Variants in VSTM5 observed in about 807,000 individuals in gnomAD.
VSTM5 encodes the protein V-set and transmembrane domain containing 5, also known as V-set and transmembrane domain-containing protein 5.
In VSTM5, 21 loss-of-function variants were observed where a neutral mutation model predicts 20.3. That is an observed-to-expected ratio of 1.03 (90% CI 0.73 to 1.49). VSTM5 has a LOEUF of 1.49. Ranked by LOEUF, VSTM5 falls within the 40% of genes most tolerant of loss-of-function variation. VSTM5 has a pLI of 0.00. For missense variants in VSTM5, 219 were observed against 250.0 expected (o/e 0.88, Z 0.84); for synonymous variants, 100 against 102.5 (o/e 0.98, Z 0.14).
At chr11:93,850,265 G>A (rs1003819255) in intron 1 of VSTM5, 147 bp downstream of exon 1, 3 of 577,990 alleles carry the variant, frequency 5.2e-6, no homozygotes, top group Admixed American at 4.1e-5. Context: ...GAAGCGGCGC[G>A]GTGCCTGCCA....
chr11:93,825,454 G>A lies in VSTM5; in HGVS notation c.92-4131C>T, dbSNP rs117836503. Reference sequence around the variant, plus strand: ...CAAAGTGCTAGGATTACATGCGTGAGCCACTGCATCTGGCCTGCTTTTTTG... The same window carrying A: ...CAAAGTGCTAGGATTACATGCGTGAACCACTGCATCTGGCCTGCTTTTTTG... On this transcript the variant is annotated intron_variant, in intron 1 of 3. Transcript: ENST00000409977. 2.1e-3 allele frequency among the ~76,000 whole-genome samples: 319 copies of A among 152,354 alleles called. 12 individuals are homozygous for A. In the East Asian group the frequency reaches 0.058, roughly 28 times the overall value.
chr11:93,839,447 C>G (rs1411584229), intron 1 of VSTM5, among the ~76,000 whole-genome samples: 1 of 152,222 alleles, frequency 6.6e-6, no homozygotes, highest in East Asian at 1.9e-4. Flanking sequence ...TTGGGTGTCT[C>G]CTGCTCCTTA....
At chr11:93,823,672 G>A (rs1944208169) in intron 1 of VSTM5, among the ~76,000 whole-genome samples, 2 of 152,092 alleles carry the variant, frequency 1.3e-5, no homozygotes, top group African/African-American at 4.8e-5. Context: ...TAGCAGCTTA[G>A]CATAATGTCT....
intron 1 of VSTM5, among the ~76,000 whole-genome samples, chr11:93,845,462 C>T (rs1944405609): frequency 6.6e-6 from 1 of 152,224 alleles, no homozygotes; most frequent in Admixed American, 6.5e-5. Flanking sequence ...GCTCCTTTTA[C>T]TGTCCAGTGT....
At position 93,830,112 on chromosome 11, in the gene VSTM5, T is replaced by C. The variant is rs528080868; in HGVS notation, c.92-8789A>G. Among the ~76,000 whole-genome samples, 5 of 151,880 alleles carry C rather than the reference T, an allele frequency of 3.3e-5. No homozygotes were observed. In the East Asian group the frequency reaches 9.7e-4, roughly 29 times the overall value. On this transcript the variant is annotated intron_variant, in intron 1 of 3. Transcript: ENST00000409977. ...GACTTGGTGATTAAGAAGTACAGGG[T>C]GGCCATGGGATAAGGAAGCTGACAG... is the stretch of plus-strand genomic sequence containing the variant.
chr11:93,846,651 G>A (rs1944412475), intron 1 of VSTM5, among the ~76,000 whole-genome samples: 1 of 152,040 alleles, frequency 6.6e-6, no homozygotes, highest in African/African-American at 2.4e-5. Context: ...ATGTAGAGAA[G>A]TTGAAAGGAA....
rs556960654 is a variant in VSTM5, at chr11:93,846,949, T to G, written c.91+3463A>C. The stretch of plus-strand genomic sequence containing the variant: ...GCCCGGCTAATTTTTGTATTTTTAG[T>G]AGAGACGGGGTTTCACTGTGTTGGC... On this transcript the variant is annotated intron_variant, in intron 1 of 3. Coordinates refer to ENST00000409977, the MANE Select transcript of VSTM5 (RefSeq NM_001144871.2). Among the ~76,000 whole-genome samples the G allele has an allele frequency of 2.0e-5, 3 of 151,950 alleles. No individual in the cohort carries two copies. In the East Asian group the frequency reaches 5.8e-4, roughly 30 times the overall value.
At position 93,821,148 on chromosome 11, in the gene VSTM5, G is replaced by A; in HGVS notation, c.267C>T (p.Ile89=). 1 of 1,552,214 alleles carries A rather than the reference G, an allele frequency of 6.4e-7. No individual in the cohort carries two copies. The highest frequency in any genetic ancestry group is 8.7e-7 in the Non-Finnish European group (1 of 1,147,096). ...AGACTCTGTCCTTGTGGCTTTGAGA[G>A]ATGTTGGCCTGAGTCCCTGGTTTCC... ...VEWKPGTQAN[I]SQSHKDRVCT... The change falls in exon 2 of 4, where the codon ATC becomes ATT. Residue 89 remains isoleucine, a synonymous_variant. Transcript: ENST00000409977.
At chr11:93,842,670 T>TAGAAGG (rs1241088541) in intron 1 of VSTM5, among the ~76,000 whole-genome samples, 1 of 152,130 alleles carries the variant, frequency 6.6e-6, no homozygotes, top group Non-Finnish European at 1.5e-5. Flanking sequence ...CCTGGGGAAC[T>TAGAAGG]AGAAGGTGCG....
In VSTM5 at chr11:93,820,573, C is replaced by T. The variant is rs1223697775; in HGVS notation, c.599G>A (p.Cys200Tyr). ...TEEIELEDVE[C>Y] ...TGCAGTCAGGCCCAGCCTTGGCTAA[C>T]ACTCAACATCTTCCAGCTCAATCTC... is the stretch of plus-strand genomic sequence containing the variant. The change falls in exon 4 of 4, where the codon TGT (cysteine) becomes TAT (tyrosine). Residue 200 changes from cysteine (C) to tyrosine (Y), a missense_variant. Transcript: ENST00000409977. 13 of 1,551,824 alleles carry T rather than the reference C, an allele frequency of 8.4e-6. No individual in the cohort carries two copies. The highest frequency in any genetic ancestry group is 1.7e-4 in the Middle Eastern group (1 of 6,014).
rs553128236 is a variant in VSTM5, at chr11:93,846,912, G to A, written c.91+3500C>T. Among the ~76,000 whole-genome samples the A allele has an allele frequency of 4.0e-4, 60 of 151,788 alleles. No homozygotes were observed. In the East Asian group the frequency reaches 8.6e-3, roughly 22 times the overall value. ...CTCCCAAGTAGCTGAGACTACAGGCGCCTGCCACCACGCCCGGCTAATTTT... is the reference window on the plus strand; with the variant it reads ...CTCCCAAGTAGCTGAGACTACAGGCACCTGCCACCACGCCCGGCTAATTTT... On this transcript the variant is annotated intron_variant, in intron 1 of 3. Transcript: ENST00000409977.
intron 1 of VSTM5, among the ~76,000 whole-genome samples, chr11:93,843,462 A>G (rs1172167715): frequency 1.5e-5 from 2 of 130,812 alleles, no homozygotes; most frequent in Non-Finnish European, 3.2e-5. Context: ...ATGTACCTGA[A>G]TGAATGAATG....
At position 93,818,746 on chromosome 11, in the gene VSTM5, A is replaced by C. The variant is rs888966836; in HGVS notation, c.*1823T>G. 1 of 152,218 alleles carries C rather than the reference A, an allele frequency of 6.6e-6. No individual in the cohort carries two copies. The highest frequency in any genetic ancestry group is 2.4e-5 in the African/African-American group (1 of 41,426). The allele number at this position is 152,218 out of a possible 1,614,324, so 9.4% of individuals were successfully genotyped here. On this transcript the variant is annotated 3_prime_UTR_variant, in exon 4 of 4. Coordinates refer to ENST00000409977, the MANE Select transcript of VSTM5 (RefSeq NM_001144871.2). ...TGCTGGTGGCCTCTCTGTGTGAAAG[A>C]CAAGAAAGAAATCAGCAGATTATCC... is the stretch of plus-strand genomic sequence containing the variant.
intron 1 of VSTM5, among the ~76,000 whole-genome samples, chr11:93,841,682 A>G (rs1018227578): frequency 4.6e-5 from 7 of 152,248 alleles, no homozygotes; most frequent in Non-Finnish European, 5.9e-5. Flanking sequence ...GACACCAAGG[A>G]TGCCCTCAGG....
Position 93,821,084 on chromosome 11 carries a change from C to G in VSTM5, c.331G>C (p.Gly111Arg), listed in dbSNP as rs913669587. ...DNGSIQLFSV[G>R]VRDSGYYVIT... ...ACATAGTAGCCGGAATCCCTCACTC[C>G]CACGCTGAAGAGCTGGATGGAGCCG... is the stretch of plus-strand genomic sequence containing the variant. Residue 111 changes from glycine (G) to arginine (R), a missense_variant, in exon 2 of 4, where the codon GGA becomes CGA. Physicochemically the swap from Gly to Arg is moderately radical, Grantham distance 125 (BLOSUM62 -2). Transcript: ENST00000409977. 2 of 1,551,702 alleles carry G rather than the reference C, an allele frequency of 1.3e-6. No individual in the cohort carries two copies. The highest frequency in any genetic ancestry group is 2.7e-5 in the African/African-American group (2 of 73,030).
At chr11:93,844,610 T>C (rs1291463492) in intron 1 of VSTM5, among the ~76,000 whole-genome samples, 1 of 152,200 alleles carries the variant, frequency 6.6e-6, no homozygotes, top group Non-Finnish European at 1.5e-5. Flanking sequence ...TGATCACCCC[T>C]TCTACTGGCC....
chr11:93,835,658 C>T (rs1349126845), intron 1 of VSTM5, among the ~76,000 whole-genome samples: 2 of 152,190 alleles, frequency 1.3e-5, no homozygotes, highest in East Asian at 3.8e-4. Context: ...AACACAACTG[C>T]ACCTTTGAGT....
chr11:93,849,921 TG>T (rs1944444757), intron 1 of VSTM5, among the ~76,000 whole-genome samples: 1 of 152,174 alleles, frequency 6.6e-6, no homozygotes, highest in Non-Finnish European at 1.5e-5. Context: ...CAGGCTGCTG[TG>T]GGTTCGTCTG....
rs868571864 is a variant in VSTM5, at chr11:93,833,278, C to T, written c.92-11955G>A. 6.6e-5 allele frequency among the ~76,000 whole-genome samples: 10 copies of T among 152,290 alleles called. No individual in the cohort carries two copies. In the South Asian group the frequency reaches 8.3e-4, roughly 13 times the overall value. Reference sequence around the variant, plus strand: ...TATATTTTTAATATGGCCACTAGAACATTTAAAATTACATACATGGATGGG... The same window carrying T: ...TATATTTTTAATATGGCCACTAGAATATTTAAAATTACATACATGGATGGG... On this transcript the variant is annotated intron_variant, in intron 1 of 3. Transcript: ENST00000409977.
Sources: gnomAD v4.1 joint callset for allele counts (sites outside exome capture counted in the v4.1 genomes callset) on GRCh38, gnomAD v4.1.1 for gene constraint, MANE v1.5 for transcripts, NCBI Gene and HGNC (gene_info 2026-07-23, HGNC 2026-07-21) for gene names.